The following DHX35 variants were observed in gnomAD, a reference collection of about 807,000 sequenced individuals.
DHX35 encodes the protein DEAH-box helicase 35.
A neutral mutation model predicts 99.6 loss-of-function variants in DHX35; 84 were observed. The observed-to-expected ratio is 0.84, with a 90% CI of 0.71 to 1.01. The LOEUF (loss-of-function observed/expected upper bound fraction) is 1.01. Ranked by LOEUF, DHX35 falls within the 50% of genes least tolerant of loss-of-function variation. The pLI, the probability that DHX35 is intolerant of heterozygous loss-of-function variation, is 0.00. For synonymous variants in DHX35, 331 were observed against 316.2 expected (o/e 1.05, Z -0.50); for missense variants, 852 against 888.5 (o/e 0.96, Z 0.52).
At chr20:38,966,900 A>G (rs1215130653) in intron 1 of DHX35, among the ~76,000 whole-genome samples, 2 of 152,168 alleles carry the variant, frequency 1.3e-5, no homozygotes, top group African/African-American at 4.8e-5. Flanking sequence ...TAGTGACAAG[A>G]AGGGAAGGAA....
rs757357749 is a variant in DHX35 at position 38,994,892 on chromosome 20, G to A, written c.642+12G>A. The A allele has an allele frequency of 6.2e-7, 1 of 1,612,980 alleles. No individual in the cohort carries two copies. Among genetic ancestry groups the A allele is most frequent in the East Asian group, 2.2e-5 (1 of 44,856 alleles). On this transcript the variant is annotated intron_variant, in intron 8 of 21. Coordinates refer to ENST00000252011, the MANE Select transcript of DHX35 (RefSeq NM_021931.4). Reference sequence around the variant, plus strand: ...CTCTGGATGCAGACGTAAGAGCCTTGCCTCCCCTTTCCTCCTCTCCTCACA... The same window carrying A: ...CTCTGGATGCAGACGTAAGAGCCTTACCTCCCCTTTCCTCCTCTCCTCACA...
At chr20:39,010,493 C>T in intron 13 of DHX35, 89 bp downstream of exon 13, 1 of 1,523,300 alleles carries the variant, frequency 6.6e-7, no homozygotes, top group Non-Finnish European at 8.9e-7. Flanking sequence ...TGCCATCTTT[C>T]CTTTTTTTCC....
intron 3 of DHX35, among the ~76,000 whole-genome samples, chr20:38,975,491 C>T (rs918812903): frequency 6.6e-6 from 1 of 151,974 alleles, no homozygotes; most frequent in African/African-American, 2.4e-5. Flanking sequence ...AAGCAAATAC[C>T]ATTATTATCT....
Position 39,002,853 on chromosome 20 carries a change from A to G in DHX35, c.837A>G (p.Ala279=), listed in dbSNP as rs774412191. 3 of 1,614,148 alleles carry G rather than the reference A, an allele frequency of 1.9e-6. No homozygotes were observed. Among genetic ancestry groups the G allele is most frequent in the Non-Finnish European group, 2.5e-6 (3 of 1,179,996 alleles). The change falls in exon 10 of 22, where the codon GCA becomes GCG. Residue 279 remains alanine, a synonymous_variant. Transcript: ENST00000252011. ...HQTEGDGDVL[A]FLTGQEEVET... ...CAGAGGGAGACGGAGACGTTTTAGC[A>G]TTTCTTACTGGCCAGGTAATGCCAC...
At chr20:39,015,342 C>T (rs1039921871) in intron 14 of DHX35, among the ~76,000 whole-genome samples, 3 of 152,154 alleles carry the variant, frequency 2.0e-5, no homozygotes, top group Non-Finnish European at 4.4e-5. Flanking sequence ...CCTGGAGTTG[C>T]TTGTGGAGAA....
At chr20:39,017,822 G>A (rs1462164644) in intron 14 of DHX35, among the ~76,000 whole-genome samples, 2 of 152,186 alleles carry the variant, frequency 1.3e-5, no homozygotes, top group Admixed American at 6.5e-5. Context: ...GCACCAGAGG[G>A]ATCTGGGTTA....
intron 1 of DHX35, among the ~76,000 whole-genome samples, chr20:38,966,420 A>G (rs1037493136): frequency 6.6e-6 from 1 of 152,220 alleles, no homozygotes; most frequent in Admixed American, 6.5e-5. Context: ...CTATAATCCT[A>G]GCACTTCGGG....
At chr20:39,014,986 T>A in intron 14 of DHX35, 52 bp downstream of exon 14, 3 of 1,603,072 alleles carry the variant, frequency 1.9e-6, no homozygotes, top group Non-Finnish European at 2.6e-6. Flanking sequence ...TCTTTTGTGA[T>A]ATTAGTGAGG....
rs2087032507 is a variant in DHX35, at chr20:39,030,611, C to T, written c.1884-93C>T. 4 of 1,202,232 alleles carry T rather than the reference C, an allele frequency of 3.3e-6. No individual in the cohort carries two copies. In the Admixed American group the frequency reaches 7.3e-5, roughly 22 times the overall value. The allele number at this position is 1,202,232 out of a possible 1,614,324, so 74.5% of individuals were successfully genotyped here. The stretch of plus-strand genomic sequence containing the variant: ...TTTTGCTTGTGACGAGTTCAGTCTG[C>T]ATGCTTTTTTGGTAATATTAAAAAT... On this transcript the variant is annotated intron_variant, in intron 19 of 21. Transcript: ENST00000252011.
At chr20:39,018,747 G>A in intron 14 of DHX35, 57 bp from the exon 15 acceptor site, 2 of 1,510,870 alleles carry the variant, frequency 1.3e-6, no homozygotes, top group Non-Finnish European at 1.8e-6. Flanking sequence ...CAGCAACTGT[G>A]TGCCTTCCAA....
chr20:38,969,968 C>T (rs2085969015), intron 2 of DHX35, among the ~76,000 whole-genome samples: 1 of 152,228 alleles, frequency 6.6e-6, no homozygotes, highest in African/African-American at 2.4e-5. Context: ...ATTCTCCCTG[C>T]TCCACAGGAT....
At chr20:39,022,303 C>T (rs925790921) in intron 16 of DHX35, among the ~76,000 whole-genome samples, 1 of 152,102 alleles carries the variant, frequency 6.6e-6, no homozygotes, top group Non-Finnish European at 1.5e-5. Flanking sequence ...GGATTACAAG[C>T]GTGCTCCACC....
At chr20:39,026,924 C>T (rs1203116654) in intron 18 of DHX35, among the ~76,000 whole-genome samples, 2 of 152,128 alleles carry the variant, frequency 1.3e-5, no homozygotes, top group African/African-American at 2.4e-5. Context: ...TGTTCTTCAC[C>T]TGTGTTTCAT....
intron 11 of DHX35, among the ~76,000 whole-genome samples, chr20:39,004,266 T>G (rs959595492): frequency 6.6e-6 from 1 of 152,012 alleles, no homozygotes; most frequent in African/African-American, 2.4e-5. Flanking sequence ...GGGGTTTCAC[T>G]AAGTTAGCCA....
chr20:38,978,704 G>GT (rs1160308431), intron 3 of DHX35, among the ~76,000 whole-genome samples: 1 of 152,034 alleles, frequency 6.6e-6, no homozygotes, highest in African/African-American at 2.4e-5. Flanking sequence ...ATGCAATCCC[G>GT]TTTGTCTATT....
chr20:39,019,002 G>T, intron 15 of DHX35, 103 bp downstream of exon 15: 1 of 979,102 alleles, frequency 1.0e-6, no homozygotes, highest in South Asian at 1.4e-5. Flanking sequence ...ATATGGTAAA[G>T]AAGTATATAT....
Position 39,030,574 on chromosome 20 carries a change from T to TG in DHX35, c.1884-128dup, listed in dbSNP as rs1325073548. On this transcript the variant is annotated intron_variant, in intron 19 of 21. Coordinates refer to ENST00000252011, the MANE Select transcript of DHX35 (RefSeq NM_021931.4). Reference sequence around the variant, plus strand: ...GATCAAGAAAGGTTGCAAGAGAAGATGGAGATAATTGTTTTGCTTGTGACG... The same window carrying TG: ...GATCAAGAAAGGTTGCAAGAGAAGATGGGAGATAATTGTTTTGCTTGTGACG... 8.0e-6 allele frequency: 6 copies of TG among 747,084 alleles called. No homozygotes were observed. In the Admixed American group the frequency reaches 1.3e-4, roughly 16 times the overall value. 46.3% of individuals were successfully genotyped at this position (747,084 alleles called of 1,614,324 possible).
chr20:38,996,725 C>T (rs2867896), intron 8 of DHX35, among the ~76,000 whole-genome samples: 55,851 of 151,912 alleles, frequency 0.37, 10,683 homozygotes, highest in Middle Eastern at 0.51. Context: ...AAATGTCCAA[C>T]GTGTCCCGAG....
chr20:38,971,333 A>G (rs1249351574), intron 2 of DHX35, among the ~76,000 whole-genome samples: 2 of 152,246 alleles, frequency 1.3e-5, no homozygotes, highest in Non-Finnish European at 1.5e-5. Flanking sequence ...TGCCTGGGCA[A>G]CAGAGCGAGA....
Sources: gnomAD v4.1 joint callset for allele counts (sites outside exome capture counted in the v4.1 genomes callset) on GRCh38, gnomAD v4.1.1 for gene constraint, MANE v1.5 for transcripts, NCBI Gene and HGNC (gene_info 2026-07-23, HGNC 2026-07-21) for gene names.